CSNK1G1: variants seen among roughly 807,000 people sequenced by gnomAD.
CSNK1G1 encodes the protein casein kinase 1 gamma 1.
CSNK1G1 carries 22 observed loss-of-function variants against 59.6 expected under a neutral mutation model. The ratio of observed to expected loss-of-function variants is 0.37; its 90% CI spans 0.26 to 0.53. CSNK1G1 has a LOEUF of 0.53. Among genes scored for constraint, CSNK1G1 ranks in the 20% least tolerant of loss-of-function variants. The pLI is 0.89. For missense variants in CSNK1G1, 384 were observed against 519.5 expected, an observed-to-expected ratio of 0.74 and a Z score of 2.54; for synonymous variants, 179 against 177.1, an observed-to-expected ratio of 1.01 and a Z score of -0.08.
At chr15:64,252,014 A>C (rs949429493) in intron 3 of CSNK1G1, among the ~76,000 whole-genome samples, 11 of 152,096 alleles carry the variant, frequency 7.2e-5, no homozygotes, top group Non-Finnish European at 1.5e-4. Flanking sequence ...ATATACAAAA[A>C]TTAGGAAGAA....
At chr15:64,183,767 G>A (rs2081851973) in intron 10 of CSNK1G1, among the ~76,000 whole-genome samples, 1 of 145,688 alleles carries the variant, frequency 6.9e-6, no homozygotes, top group Non-Finnish European at 1.5e-5. Flanking sequence ...ATGGAATCTC[G>A]CTCTGTTGCC....
chr15:64,291,994 C>T (rs572666547), intron 2 of CSNK1G1, among the ~76,000 whole-genome samples: 1 of 151,760 alleles, frequency 6.6e-6, no homozygotes, highest in Non-Finnish European at 1.5e-5. Flanking sequence ...GTCAGGAGAT[C>T]GAGGCCATCC....
chr15:64,275,849 T>G (rs571166984), intron 2 of CSNK1G1, among the ~76,000 whole-genome samples: 2 of 152,278 alleles, frequency 1.3e-5, no homozygotes, highest in African/African-American at 4.8e-5. Context: ...ATTAACTATG[T>G]GTATATTAAA....
intron 1 of CSNK1G1, among the ~76,000 whole-genome samples, chr15:64,321,245 TTTTC>T: frequency 6.6e-6 from 1 of 151,958 alleles, no homozygotes; most frequent in African/African-American, 2.4e-5. Context: ...AAAGCATTTT[TTTTC>T]TTTTTTTCCT....
intron 1 of CSNK1G1, among the ~76,000 whole-genome samples, chr15:64,310,722 A>T (rs1202891927): frequency 1.3e-5 from 2 of 151,822 alleles, no homozygotes; most frequent in Non-Finnish European, 2.9e-5. Flanking sequence ...AAAAAGGAAA[A>T]GAGGCCGGGC....
intron 2 of CSNK1G1, chr15:64,265,688 A>C: frequency 2.7e-6 from 1 of 367,488 alleles, no homozygotes; most frequent in South Asian, 2.1e-5. Context: ...CCTAGGAATA[A>C]ATTCAACCAA....
intron 4 of CSNK1G1, among the ~76,000 whole-genome samples, chr15:64,248,467 T>C (rs572770640): frequency 3.8e-4 from 58 of 152,274 alleles, no homozygotes; most frequent in African/African-American, 1.3e-3. Flanking sequence ...TGTGACAGAA[T>C]GACATCACAC....
intron 3 of CSNK1G1, among the ~76,000 whole-genome samples, chr15:64,257,803 C>A (rs1892467073): frequency 6.6e-6 from 1 of 152,176 alleles, no homozygotes. Flanking sequence ...GAATTACAGG[C>A]ATGAGCCACT....
At chr15:64,265,802 A>G in intron 2 of CSNK1G1, 1 of 456,620 alleles carries the variant, frequency 2.2e-6, no homozygotes, top group Non-Finnish European at 4.4e-6. Context: ...AAAATTGGCC[A>G]GTCACAGTGG....
chr15:64,314,113 A>G (rs1223290618), intron 1 of CSNK1G1, among the ~76,000 whole-genome samples: 1 of 152,130 alleles, frequency 6.6e-6, no homozygotes, highest in Non-Finnish European at 1.5e-5. Flanking sequence ...GTTTTATTTT[A>G]TTCATATTTA....
chr15:64,259,202 A>C lies in CSNK1G1; in HGVS notation c.221T>G (p.Leu74Arg). 1 of 1,593,810 alleles carries C rather than the reference A, an allele frequency of 6.3e-7. No individual in the cohort carries two copies. Reference protein sequence around the residue: ...LYTNEYVAIKLEPIKSRAPQL... With the variant: ...LYTNEYVAIKREPIKSRAPQL... ...TTACCACAAACAGATTCTACTCACC[A>C]GTTTGATTGCTACATATTCATTGGT... Residue 74 changes from leucine to arginine, a missense_variant and splice_region_variant, in exon 3 of 12, where the codon CTG becomes CGG. Leu to Arg is a moderately radical substitution (Grantham distance 102). This residue lies in a region of CSNK1G1 where 325 missense variants were observed against 440.9 expected (regional missense o/e 0.74). Transcript: ENST00000303052.
intron 2 of CSNK1G1, among the ~76,000 whole-genome samples, chr15:64,260,602 G>A (rs570512496): frequency 6.6e-6 from 1 of 152,148 alleles, no homozygotes; most frequent in Admixed American, 6.5e-5. Context: ...GCCGGGGGTG[G>A]TGGTGAATAC....
intron 1 of CSNK1G1, among the ~76,000 whole-genome samples, chr15:64,314,588 T>C (rs968107795): frequency 6.7e-6 from 1 of 148,706 alleles, no homozygotes; most frequent in East Asian, 2.0e-4. Flanking sequence ...AAAAAACATA[T>C]CCCTCAGCTG....
rs143525411 is a variant in CSNK1G1, at chr15:64,314,040, C to T, written c.-224-13317G>A. On this transcript the variant is annotated intron_variant, in intron 1 of 11. Transcript: ENST00000303052. ...ACACATGAATTAAAAAAACACAAAT[C>T]GGGACGATGCTACATATCAAAGATC... 2.9e-4 allele frequency among the ~76,000 whole-genome samples: 44 copies of T among 152,134 alleles called. No homozygotes were observed. In the East Asian group the frequency reaches 8.3e-3, roughly 29 times the overall value.
chr15:64,346,722 T>C (rs1339222035), intron 1 of CSNK1G1, among the ~76,000 whole-genome samples: 1 of 152,008 alleles, frequency 6.6e-6, no homozygotes, highest in Non-Finnish European at 1.5e-5. Context: ...CCCCCCAAAG[T>C]GCTGAGATTA....
At chr15:64,285,718 G>GA (rs1167836615) in intron 2 of CSNK1G1, among the ~76,000 whole-genome samples, 2 of 151,908 alleles carry the variant, frequency 1.3e-5, no homozygotes, top group Admixed American at 1.3e-4. Flanking sequence ...TGATAAACTG[G>GA]AAAAAAATCC....
intron 2 of CSNK1G1, among the ~76,000 whole-genome samples, chr15:64,263,810 C>T (rs1476060903): frequency 7.4e-5 from 3 of 40,488 alleles, no homozygotes; most frequent in African/African-American, 1.9e-4. Flanking sequence ...GGTTTTATGC[C>T]TTTTTGTTTA....
At chr15:64,339,347 C>T (rs1897569458) in intron 1 of CSNK1G1, among the ~76,000 whole-genome samples, 1 of 152,116 alleles carries the variant, frequency 6.6e-6, no homozygotes, top group South Asian at 2.1e-4. Context: ...GAGTCTCACT[C>T]TCTCGCCCAA....
chr15:64,180,454 C>T lies in CSNK1G1; in HGVS notation c.1108G>A (p.Val370Met), dbSNP rs370873115. Residue 370 changes from valine to methionine, a missense_variant and splice_region_variant, in exon 11 of 12, where the codon GTG (valine) becomes ATG (methionine). Physicochemically the swap from Val to Met is conservative, Grantham distance 21 (BLOSUM62 1). This residue lies in a region of CSNK1G1 where 325 missense variants were observed against 440.9 expected (regional missense o/e 0.74). Coordinates refer to ENST00000303052, the MANE Select transcript of CSNK1G1 (RefSeq NM_022048.5). ...PSQQQPLRNQ[V>M]VSSTNGELNV... ...AGCTCTCCATTGGTTGAGCTAACCA[C>T]CTGAAACAGAAAGACAGAAGTGTGT... 3.8e-5 allele frequency: 62 copies of T among 1,612,358 alleles called. No homozygotes were observed. Among genetic ancestry groups the T allele is most frequent in the Non-Finnish European group, 5.0e-5 (59 of 1,178,542 alleles).
Sources: allele counts gnomAD v4.1 joint callset (sites outside exome capture counted in the v4.1 genomes callset), GRCh38; gene constraint gnomAD v4.1.1; regional missense constraint gnomAD v4.1.1; transcripts MANE v1.5; gene names NCBI Gene and HGNC (gene_info 2026-07-23, HGNC 2026-07-21).